The following SLC38A6 variants were observed in gnomAD, a reference collection of about 807,000 sequenced individuals.
SLC38A6 encodes the protein N system amino acid transporter NAT-1.
In SLC38A6, 73 loss-of-function variants were observed where a neutral mutation model predicts 65.0. The ratio of observed to expected loss-of-function variants is 1.12; its 90% CI spans 0.93 to 1.37. SLC38A6 has a LOEUF of 1.37. Ranked by LOEUF, SLC38A6 falls within the 40% of genes most tolerant of loss-of-function variation. The pLI, the probability that SLC38A6 is intolerant of heterozygous loss-of-function variation, is 0.00. For synonymous variants in SLC38A6, 183 were observed against 178.8 expected, an observed-to-expected ratio of 1.02 and a Z score of -0.19; for missense variants, 561 against 531.1, an observed-to-expected ratio of 1.06 and a Z score of -0.55.
At chr14:61,062,110 C>T (rs560431327) in intron 15 of SLC38A6, among the ~76,000 whole-genome samples, 12 of 152,290 alleles carry the variant, frequency 7.9e-5, no homozygotes, top group African/African-American at 2.6e-4. Context: ...AAGTGCTGGG[C>T]ATGAGCCACG....
chr14:61,033,285 A>G (rs924545901), intron 6 of SLC38A6, among the ~76,000 whole-genome samples: 5 of 152,024 alleles, frequency 3.3e-5, no homozygotes, highest in Non-Finnish European at 5.9e-5. Context: ...TTTCATTAAA[A>G]TATGGAAAAA....
At chr14:61,074,079 A>T (rs149040745) in intron 15 of SLC38A6, 287 of 152,346 alleles carry the variant, frequency 1.9e-3, no homozygotes, top group African/African-American at 6.7e-3. Context: ...TAGGGCTTAC[A>T]GTCAACAGTA....
intron 15 of SLC38A6, 27 bp from the exon 16 acceptor site, chr14:61,052,322 C>A (rs770102971): frequency 5.2e-6 from 8 of 1,524,626 alleles, no homozygotes; most frequent in Admixed American, 2.1e-5. Context: ...TCTTTCTTAT[C>A]TTTTATCTTT....
chr14:61,083,221 A>C (rs2043725645), intron 16 of SLC38A6, among the ~76,000 whole-genome samples: 1 of 152,178 alleles, frequency 6.6e-6, no homozygotes, highest in Admixed American at 6.5e-5. Flanking sequence ...AGTGAGGTCA[A>C]GGTGTCTGCT....
intron 16 of SLC38A6, among the ~76,000 whole-genome samples, chr14:61,081,581 A>G (rs2043651994): frequency 6.6e-6 from 1 of 152,032 alleles, no homozygotes; most frequent in African/African-American, 2.4e-5. Context: ...GCTACTCAGG[A>G]GGTGGAGGCA....
At chr14:61,001,725 G>A (rs1045594571) in intron 3 of SLC38A6, among the ~76,000 whole-genome samples, 1 of 152,112 alleles carries the variant, frequency 6.6e-6, no homozygotes, top group Non-Finnish European at 1.5e-5. Context: ...CACTGCAGAA[G>A]GTTAGCAAAA....
chr14:60,984,867 A>G (rs1333376406), intron 3 of SLC38A6, 64 bp downstream of exon 3: 3 of 1,423,634 alleles, frequency 2.1e-6, no homozygotes, highest in East Asian at 2.3e-5. Flanking sequence ...ATCTACATAT[A>G]GAACTGGATG....
chr14:61,051,415 A>T (rs916091945), intron 13 of SLC38A6, among the ~76,000 whole-genome samples: 9 of 152,154 alleles, frequency 5.9e-5, no homozygotes, highest in Non-Finnish European at 1.3e-4. Context: ...TTTCTTTCCC[A>T]TGGCATGATT....
chr14:61,050,722 A>G, intron 13 of SLC38A6, 86 bp downstream of exon 13: 19 of 1,216,878 alleles, frequency 1.6e-5, no homozygotes, highest in Non-Finnish European at 2.1e-5. Context: ...GAATGTTTGA[A>G]TCACATCTAG....
At chr14:61,072,014 G>A (rs1440621107) in intron 15 of SLC38A6, among the ~76,000 whole-genome samples, 1 of 152,084 alleles carries the variant, frequency 6.6e-6, no homozygotes, top group South Asian at 2.1e-4. Context: ...ATATTCTTAG[G>A]CGAGATGCTT....
intron 16 of SLC38A6, among the ~76,000 whole-genome samples, chr14:61,082,020 G>T (rs182771160): frequency 6.6e-6 from 1 of 152,228 alleles, no homozygotes; most frequent in East Asian, 1.9e-4. Flanking sequence ...GTAGTGCCTC[G>T]TGTTTATGTG....
chr14:61,062,106 TGGG>T (rs2042866431), intron 15 of SLC38A6, among the ~76,000 whole-genome samples: 1 of 152,192 alleles, frequency 6.6e-6, no homozygotes, highest in Non-Finnish European at 1.5e-5. Flanking sequence ...CCCAAAGTGC[TGGG>T]CATGAGCCAC....
chr14:61,011,700 G>A (rs1034206496), intron 3 of SLC38A6, among the ~76,000 whole-genome samples: 1 of 152,164 alleles, frequency 6.6e-6, no homozygotes, highest in African/African-American at 2.4e-5. Context: ...ATTTGCGTAT[G>A]TTGAACCAGC....
chr14:61,063,275 AC>A (rs1196781303), intron 15 of SLC38A6, among the ~76,000 whole-genome samples: 1 of 152,106 alleles, frequency 6.6e-6, no homozygotes, highest in Non-Finnish European at 1.5e-5. Context: ...CTATCTAAAA[AC>A]TTTTATAACT....
chr14:61,036,835 G>A (rs913747032), intron 6 of SLC38A6, among the ~76,000 whole-genome samples: 1 of 151,942 alleles, frequency 6.6e-6, no homozygotes, highest in Admixed American at 6.6e-5. Context: ...AGTTGGAAAT[G>A]GCATCTCTTT....
Position 60,982,622 on chromosome 14 carries a change from G to T in SLC38A6, c.220G>T (p.Gly74Cys), listed in dbSNP as rs746907758. Residue 74 changes from glycine to cysteine, a missense_variant, in exon 2 of 16, where the codon GGT becomes TGT. Physicochemically the swap from Gly to Cys is radical, Grantham distance 159 (BLOSUM62 -3). Transcript: ENST00000267488. ...LGLAYVLANT[G>C]VFGFSFLLLT... ...CTTAGCTTATGTTTTGGCTAATACC[G>T]GTGTCTTTGGATTTAGGTGAGTCTT... 10 of 1,608,472 alleles carry T rather than the reference G, an allele frequency of 6.2e-6. No individual in the cohort carries two copies. The highest frequency in any genetic ancestry group is 8.5e-6 in the Non-Finnish European group (10 of 1,178,570).
chr14:61,066,059 C>T (rs748270466), intron 15 of SLC38A6, among the ~76,000 whole-genome samples: 13 of 152,210 alleles, frequency 8.5e-5, no homozygotes, highest in Non-Finnish European at 1.6e-4. Flanking sequence ...ACATACTTTA[C>T]TTCCTGCAAA....
At chr14:61,065,171 T>A (rs138749749) in intron 15 of SLC38A6, among the ~76,000 whole-genome samples, 1 of 152,234 alleles carries the variant, frequency 6.6e-6, no homozygotes, top group African/African-American at 2.4e-5. Context: ...TTCAATACAA[T>A]CTAGGTATAG....
chr14:60,981,296 A>G lies in SLC38A6; in HGVS notation c.19A>G (p.Ser7Gly). The G allele has an allele frequency of 6.2e-7, 1 of 1,607,686 alleles. No individual in the cohort carries two copies. MEASWG[S>G]FNAERGWYVS... ...GAGCAGCATGGAGGCGTCCTGGGGG[A>G]GCTTCAACGCTGAGCGGGGCTGGTA... is the stretch of plus-strand genomic sequence containing the variant. The change falls in exon 1 of 16, where the codon AGC becomes GGC. Residue 7 changes from serine to glycine, a missense_variant. Transcript: ENST00000267488.
Sources: allele counts gnomAD v4.1 joint callset (sites outside exome capture counted in the v4.1 genomes callset), GRCh38; gene constraint gnomAD v4.1.1; transcripts MANE v1.5; gene names NCBI Gene and HGNC (gene_info 2026-07-23, HGNC 2026-07-21).